The following HMGN5 variants were observed in gnomAD, a reference collection of about 807,000 sequenced individuals.
HMGN5 encodes the protein high mobility group nucleosome-binding domain-containing protein 5.
A neutral mutation model predicts 9.5 loss-of-function variants in HMGN5; 4 were observed. The observed-to-expected ratio is 0.42, with a 90% CI of 0.21 to 0.96. HMGN5 has a LOEUF of 0.96. Ranked by LOEUF, HMGN5 falls within the 40% of genes least tolerant of loss-of-function variation. The pLI is 0.30. For synonymous variants in HMGN5, 55 were observed against 57.1 expected (o/e 0.96, Z 0.16); for missense variants, 192 against 187.5 (o/e 1.02, Z -0.14).
chrX:81,153,540 C>A (rs1348292518), intron 1 of HMGN5, among the ~76,000 whole-genome samples: 1 of 45,980 alleles, frequency 2.2e-5, no homozygotes. Context: ...GGTGACAGAG[C>A]GAAACTCTGC....
intron 6 of HMGN5, 93 bp downstream of exon 6, chrX:81,116,111 C>A (rs1290350144): frequency 1.4e-5 from 9 of 637,461 alleles, no homozygotes; most frequent in Admixed American, 3.8e-5. Context: ...TAATTTTTTT[C>A]CAACTTATAA....
chrX:81,201,878 C>T lies in HMGN5; in HGVS notation c.-265G>A. ...GTTCTCCTTTTTCTTTCTTCTTCTC[C>T]TCGCCCTCTTCTCAGGGAAGGAATC... is the stretch of plus-strand genomic sequence containing the variant. On this transcript the variant is annotated 5_prime_UTR_variant, in exon 1 of 7. Coordinates refer to ENST00000358130, the MANE Select transcript of HMGN5 (RefSeq NM_030763.3). The T allele has an allele frequency of 3.5e-6, 1 of 283,911 alleles. No homozygotes were observed. The highest frequency in any genetic ancestry group is 6.1e-6 in the Non-Finnish European group (1 of 163,193). The allele number at this position is 283,911 out of a possible 1,213,427, so 23.4% of individuals were successfully genotyped here. A position where few individuals can be genotyped will look rare whatever the true frequency, so the allele number is the denominator to read the frequency against.
intron 1 of HMGN5, among the ~76,000 whole-genome samples, chrX:81,194,386 G>A (rs191223734): frequency 0.012 from 1,285 of 110,696 alleles, 19 homozygotes; most frequent in African/African-American, 0.039. Context: ...AACACATAGG[G>A]ACAAAATGTT....
At chrX:81,126,301 A>T (rs1372705337) in intron 1 of HMGN5, among the ~76,000 whole-genome samples, 2 of 111,052 alleles carry the variant, frequency 1.8e-5, no homozygotes, top group African/African-American at 6.6e-5. Context: ...GTTCCATCTC[A>T]ATGACCTTAA....
intron 1 of HMGN5, among the ~76,000 whole-genome samples, chrX:81,159,799 C>A (rs1047194280): frequency 1.8e-5 from 2 of 110,625 alleles, no homozygotes; most frequent in Non-Finnish European, 3.8e-5. Context: ...GGATTACAGG[C>A]ATGAGCCATA....
chrX:81,171,195 G>A (rs768882554), intron 1 of HMGN5, among the ~76,000 whole-genome samples: 1 of 111,423 alleles, frequency 9.0e-6, no homozygotes, highest in Non-Finnish European at 1.9e-5. Context: ...AAACACTTTG[G>A]AGATCTGCAT....
chrX:81,198,554 G>A (rs2075515694), intron 1 of HMGN5, among the ~76,000 whole-genome samples: 1 of 111,744 alleles, frequency 8.9e-6, no homozygotes, highest in Non-Finnish European at 1.9e-5. Flanking sequence ...TCATCCCTGG[G>A]ATGCAAGGCT....
intron 1 of HMGN5, among the ~76,000 whole-genome samples, chrX:81,154,008 G>GA (rs775410976): frequency 0.033 from 3,585 of 109,383 alleles, 158 homozygotes; most frequent in African/African-American, 0.11. Flanking sequence ...CACAGAAATA[G>GA]AAAAAAATTC....
chrX:81,132,572 C>T (rs990275074), intron 1 of HMGN5, among the ~76,000 whole-genome samples: 1 of 111,290 alleles, frequency 9.0e-6, no homozygotes, highest in Non-Finnish European at 1.9e-5. Context: ...CTTTGACAAA[C>T]CTGACAAGAA....
chrX:81,133,373 A>T (rs539189182), intron 1 of HMGN5, among the ~76,000 whole-genome samples: 1 of 111,644 alleles, frequency 9.0e-6, no homozygotes, highest in East Asian at 2.8e-4. Flanking sequence ...AACCAAAGGA[A>T]TGTAAATCAT....
intron 1 of HMGN5, among the ~76,000 whole-genome samples, chrX:81,194,229 T>C (rs755161809): frequency 3.0e-4 from 34 of 111,724 alleles, no homozygotes; most frequent in African/African-American, 1.1e-3. Context: ...TATAAATAAA[T>C]GTAAGATAAC....
At chrX:81,131,058 T>A (rs1251163031) in intron 1 of HMGN5, among the ~76,000 whole-genome samples, 2 of 111,366 alleles carry the variant, frequency 1.8e-5, no homozygotes, top group East Asian at 5.6e-4. Flanking sequence ...AATACCATAA[T>A]TTTTACCCAT....
intron 1 of HMGN5, among the ~76,000 whole-genome samples, chrX:81,176,666 A>G (rs1350187490): frequency 2.7e-5 from 3 of 111,823 alleles, no homozygotes; most frequent in Non-Finnish European, 5.6e-5. Flanking sequence ...CCAATTTGAA[A>G]AGTGGAAGAA....
intron 1 of HMGN5, among the ~76,000 whole-genome samples, chrX:81,183,854 C>G (rs888053812): frequency 9.7e-6 from 1 of 103,002 alleles, no homozygotes; most frequent in Non-Finnish European, 2.0e-5. Flanking sequence ...CCTTTTGAAA[C>G]AGGAGTGCTT....
intron 1 of HMGN5, among the ~76,000 whole-genome samples, chrX:81,161,708 CTG>C (rs1261193706): frequency 2.7e-5 from 3 of 110,545 alleles, no homozygotes; most frequent in African/African-American, 1.0e-4. Flanking sequence ...AATGGAAGCT[CTG>C]TGAAAGGGAG....
intron 1 of HMGN5, among the ~76,000 whole-genome samples, chrX:81,140,071 T>C (rs1434968811): frequency 9.0e-6 from 1 of 111,556 alleles, no homozygotes; most frequent in Non-Finnish European, 1.9e-5. Context: ...TAGCTGGCAG[T>C]CTTAAAAGAG....
chrX:81,142,659 AT>A (rs1158004607), intron 1 of HMGN5, among the ~76,000 whole-genome samples: 2 of 111,819 alleles, frequency 1.8e-5, no homozygotes, highest in East Asian at 5.6e-4. Flanking sequence ...AGAAATAAAG[AT>A]TTTTCCAGAA....
chrX:81,120,302 G>A (rs887746083), intron 2 of HMGN5, among the ~76,000 whole-genome samples: 2 of 111,336 alleles, frequency 1.8e-5, no homozygotes, highest in Admixed American at 9.6e-5. Context: ...TTTTCTTGGG[G>A]AGACCTCTTT....
intron 1 of HMGN5, among the ~76,000 whole-genome samples, chrX:81,185,825 G>C (rs912199568): frequency 2.7e-5 from 3 of 110,925 alleles, no homozygotes; most frequent in Non-Finnish European, 5.7e-5. Flanking sequence ...TATCATGAAG[G>C]GATGTTGGAT....
Sources: gnomAD v4.1 joint callset for allele counts (sites outside exome capture counted in the v4.1 genomes callset) on GRCh38, gnomAD v4.1.1 for gene constraint, MANE v1.5 for transcripts, NCBI Gene and HGNC (gene_info 2026-07-23, HGNC 2026-07-21) for gene names.